NLRC5: variants seen among roughly 807,000 people sequenced by gnomAD.
The protein encoded by NLRC5 is NLR family CARD domain containing 5.
NLRC5 carries 114 observed loss-of-function variants against 206.9 expected under a neutral mutation model. The observed-to-expected ratio is 0.55, with a 90% CI of 0.47 to 0.64. The LOEUF is 0.64. Among genes scored for constraint, NLRC5 ranks in the 30% least tolerant of loss-of-function variants. The pLI, the probability that NLRC5 is intolerant of heterozygous loss-of-function variation, is 0.00. For synonymous variants in NLRC5, 952 were observed against 962.8 expected (o/e 0.99, Z 0.21); for missense variants, 2,008 against 2,305.5 (o/e 0.87, Z 2.64).
intron 23 of NLRC5, among the ~76,000 whole-genome samples, chr16:57,049,757 TAAATA>T (rs1431833892): frequency 2.7e-5 from 4 of 149,178 alleles, no homozygotes; most frequent in African/African-American, 9.9e-5. Flanking sequence ...AATAAATAAA[TAAATA>T]AATAAATAAA....
At chr16:57,003,849 T>A (rs1368539785) in intron 1 of NLRC5, 1 of 152,162 alleles carries the variant, frequency 6.6e-6, no homozygotes, top group Non-Finnish European at 1.5e-5. Context: ...AAGATCCTCA[T>A]TTTACAGATG....
intron 15 of NLRC5, among the ~76,000 whole-genome samples, chr16:57,038,970 G>A (rs1019483083): frequency 5.3e-5 from 8 of 150,988 alleles, no homozygotes; most frequent in Admixed American, 3.3e-4. Flanking sequence ...AGAGAGCATG[G>A]TATATATAAT....
chr16:57,035,039 GT>G (rs1332228246), intron 13 of NLRC5: 1 of 152,192 alleles, frequency 6.6e-6, no homozygotes, highest in Non-Finnish European at 1.5e-5. Context: ...TTAGAAGGTG[GT>G]TTTTTAACAA....
chr16:57,052,669 C>T (rs754773908), intron 24 of NLRC5: 1 of 152,042 alleles, frequency 6.6e-6, no homozygotes, highest in Non-Finnish European at 1.5e-5. Flanking sequence ...GCTCGCATCA[C>T]CTCCAGGATC....
intron 6 of NLRC5, 119 bp downstream of exon 6, chr16:57,027,137 A>C: frequency 7.7e-6 from 9 of 1,164,176 alleles, no homozygotes; most frequent in Non-Finnish European, 1.1e-5. Context: ...TCAGAACATA[A>C]TGGCCTGCAA....
At chr16:57,029,929 C>A in intron 9 of NLRC5, 66 bp from the exon 10 acceptor site, 1 of 1,607,910 alleles carries the variant, frequency 6.2e-7, no homozygotes, top group Non-Finnish European at 8.5e-7. Flanking sequence ...CCTTGCAAGG[C>A]AAGGAAGGTC....
intron 42 of NLRC5, 40 bp downstream of exon 42, chr16:57,077,842 C>T: frequency 6.3e-7 from 1 of 1,589,326 alleles, no homozygotes; most frequent in Non-Finnish European, 8.6e-7. Context: ...TCTGTGCCCC[C>T]CAGGTCCACC....
At chr16:57,042,162 A>G (rs1462345782) in intron 19 of NLRC5, 97 bp downstream of exon 19, 3 of 754,592 alleles carry the variant, frequency 4.0e-6, no homozygotes, top group Non-Finnish European at 5.9e-6. Flanking sequence ...TAAAGATTAA[A>G]TCGGAAAATG....
In NLRC5 at chr16:57,022,266, C is replaced by A. The variant is rs1215210181; in HGVS notation, c.306C>A (p.Ser102Arg). ...TCCCCTCTCTTGCAGGGTTCACCAG[C>A]CAGCTGGGAGCTGAGGGGAAAAGCC... Reference protein sequence around the residue: ...STFGYDDGFTSQLGAEGKSQP... With the variant: ...STFGYDDGFTRQLGAEGKSQP... The change falls in exon 4 of 49, where the codon AGC (serine) becomes AGA (arginine). Residue 102 changes from serine (S) to arginine (R), a missense_variant. Coordinates refer to ENST00000688547, the MANE Select transcript of NLRC5 (RefSeq NM_001384950.1). 3.1e-6 allele frequency: 5 copies of A among 1,611,798 alleles called. No homozygotes were observed. The highest frequency in any genetic ancestry group is 4.2e-6 in the Non-Finnish European group (5 of 1,178,246).
rs187522987 is a variant in NLRC5, at chr16:57,062,224, C to A, written c.4154+523C>A. The A allele has an allele frequency of 5.8e-5, 26 of 451,378 alleles. No individual in the cohort carries two copies. In the Middle Eastern group the frequency reaches 1.3e-3, roughly 23 times the overall value. 28.0% of individuals were successfully genotyped at this position (451,378 alleles called of 1,614,324 possible). A position where few individuals can be genotyped will look rare whatever the true frequency, so the allele number is the denominator to read the frequency against. ...CACTCCTAAATATTTCACCGTGAAG[C>A]TCCAAAAAATAAGGACATTTTTTTC... On this transcript the variant is annotated intron_variant, in intron 32 of 48. Coordinates refer to ENST00000688547, the MANE Select transcript of NLRC5 (RefSeq NM_001384950.1).
At chr16:57,073,317 C>A (rs1408333389) in intron 38 of NLRC5, among the ~76,000 whole-genome samples, 2 of 152,176 alleles carry the variant, frequency 1.3e-5, no homozygotes, top group African/African-American at 4.8e-5. Flanking sequence ...GGTCTCTTCC[C>A]ATCTCAGATC....
At chr16:56,993,947 GT>G (rs1369239529) in intron 1 of NLRC5, among the ~76,000 whole-genome samples, 1 of 128,766 alleles carries the variant, frequency 7.8e-6, no homozygotes, top group Admixed American at 8.8e-5. Context: ...TATATGGGAT[GT>G]TTTCCCTGTT....
In NLRC5 at chr16:57,026,726, G is replaced by T; in HGVS notation, c.1783G>T (p.Val595Leu). 1 of 1,614,066 alleles carries T rather than the reference G, an allele frequency of 6.2e-7. No individual in the cohort carries two copies. The highest frequency in any genetic ancestry group is 8.5e-7 in the Non-Finnish European group (1 of 1,179,920). ...CTGTGTGGGTGCCAAGCAGGCTGCT[G>T]TAGTGCAGGTGTTGAAGAAGTTGGC... The part of the protein sequence containing the change: ...EDCVGAKQAA[V>L]VQVLKKLATR... The change falls in exon 6 of 49, where the codon GTA becomes TTA. Residue 595 changes from valine to leucine, a missense_variant. Physicochemically the swap from Val to Leu is conservative, Grantham distance 32 (BLOSUM62 1). Transcript: ENST00000688547.
Position 57,034,178 on chromosome 16 carries a change from T to C in NLRC5, c.2554T>C (p.Cys852Arg), listed in dbSNP as rs2062222459. Reference sequence around the variant, plus strand: ...CCACTCCTACCCAAGGCTGCAGAAGTGTCAGCTCCAGGTCCACGATGCGGA... The same window carrying C: ...CCACTCCTACCCAAGGCTGCAGAAGCGTCAGCTCCAGGTCCACGATGCGGA... ...SRSLTLRLQK[C>R]QLQVHDAEAL... Residue 852 changes from cysteine (C) to arginine (R), a missense_variant, in exon 13 of 49, where the codon TGT becomes CGT. Coordinates refer to ENST00000688547, the MANE Select transcript of NLRC5 (RefSeq NM_001384950.1). The C allele has an allele frequency of 6.2e-7, 1 of 1,613,982 alleles. No homozygotes were observed. Among genetic ancestry groups the C allele is most frequent in the Non-Finnish European group, 8.5e-7 (1 of 1,179,916 alleles).
chr16:57,046,716 G>A (rs544873449), intron 22 of NLRC5, 75 bp downstream of exon 22: 2 of 1,227,158 alleles, frequency 1.6e-6, no homozygotes, highest in Non-Finnish European at 2.4e-6. Context: ...AGCTGGCAGG[G>A]GGCTAGGGCT....
chr16:57,067,970 G>A, intron 36 of NLRC5, 142 bp downstream of exon 36: 1 of 651,016 alleles, frequency 1.5e-6, no homozygotes, highest in South Asian at 1.8e-5. Flanking sequence ...CCCTGGAGAT[G>A]ATTTTTAGGG....
At chr16:56,991,678 CTTTT>C (rs35559322) in intron 1 of NLRC5, among the ~76,000 whole-genome samples, 2 of 105,624 alleles carry the variant, frequency 1.9e-5, no homozygotes, top group South Asian at 3.4e-4. Context: ...GCCCGGACTC[CTTTT>C]TTTTTTTTTT....
rs149372467 is a variant in NLRC5, at chr16:57,049,179, C to T, written c.3422+1551C>T. Among the ~76,000 whole-genome samples the T allele has an allele frequency of 2.0e-3, 299 of 152,188 alleles. 1 individual carries two copies. The highest frequency in any genetic ancestry group is 6.4e-3 in the African/African-American group (264 of 41,514). The stretch of plus-strand genomic sequence containing the variant: ...GAAAGTTTACGAATTTTTGTTAGGC[C>T]GTATTCAAAGCCATCCTAGGCTGCA... On this transcript the variant is annotated intron_variant, in intron 23 of 48. Transcript: ENST00000688547.
chr16:57,021,242 A>C (rs1388987646), intron 3 of NLRC5: 6 of 475,238 alleles, frequency 1.3e-5, no homozygotes, highest in East Asian at 1.0e-4. Flanking sequence ...TTGCTGAGTG[A>C]CTGCTTCCAG....
Sources: allele counts gnomAD v4.1 joint callset (sites outside exome capture counted in the v4.1 genomes callset), GRCh38; gene constraint gnomAD v4.1.1; transcripts MANE v1.5; gene names NCBI Gene and HGNC (gene_info 2026-07-23, HGNC 2026-07-21).